The following NR2F1-AS1 variants were observed in gnomAD, a reference collection of about 807,000 sequenced individuals.
NR2F1-AS1 encodes NR2F1 antisense RNA 1.
intron 4 of NR2F1-AS1, among the ~76,000 whole-genome samples, chr5:93,553,564 A>T (rs1041586528): frequency 1.3e-5 from 2 of 152,230 alleles, no homozygotes; most frequent in African/African-American, 4.8e-5. Flanking sequence ...ACAGATAACA[A>T]ATTATAACTT....
chr5:93,554,667 G>T (rs1049818849), intron 3 of NR2F1-AS1, among the ~76,000 whole-genome samples: 2 of 152,314 alleles, frequency 1.3e-5, no homozygotes, highest in African/African-American at 2.4e-5. Context: ...TGCCTATGAT[G>T]AGCAAGGCAC....
At chr5:93,469,836 G>C (rs1271471511) in intron 4 of NR2F1-AS1, among the ~76,000 whole-genome samples, 1 of 151,864 alleles carries the variant, frequency 6.6e-6, no homozygotes, top group Non-Finnish European at 1.5e-5. Flanking sequence ...AATGCAAAAG[G>C]GTGACTATAG....
chr5:93,414,708 C>T (rs1315940242), intron 4 of NR2F1-AS1, among the ~76,000 whole-genome samples: 4 of 152,162 alleles, frequency 2.6e-5, no homozygotes. Flanking sequence ...TGCCAGAATA[C>T]CATGGGCTGT....
chr5:93,522,584 A>T (rs11135388), intron 4 of NR2F1-AS1, among the ~76,000 whole-genome samples: 30,211 of 152,188 alleles, frequency 0.2, 4,519 homozygotes, highest in African/African-American at 0.42. Context: ...AGCTCTGGTC[A>T]GCAGCTCCCA....
intron 4 of NR2F1-AS1, among the ~76,000 whole-genome samples, chr5:93,459,728 C>CAGAAA (rs1176172093): frequency 6.6e-6 from 1 of 152,116 alleles, no homozygotes; most frequent in Non-Finnish European, 1.5e-5. Context: ...CATACTGTCT[C>CAGAAA]AGAAAAGGAG....
chr5:93,491,366 G>A (rs1750845389), intron 4 of NR2F1-AS1, among the ~76,000 whole-genome samples: 1 of 151,164 alleles, frequency 6.6e-6, no homozygotes, highest in African/African-American at 2.4e-5. Context: ...TAGTGGTGAT[G>A]GTGGGGGGGT....
chr5:93,528,552 T>C (rs1446732557), intron 4 of NR2F1-AS1, among the ~76,000 whole-genome samples: 1 of 152,206 alleles, frequency 6.6e-6, no homozygotes, highest in Non-Finnish European at 1.5e-5. Flanking sequence ...TTACTGGGGA[T>C]ATACCCAAAG....
At chr5:93,535,041 A>G (rs1751811378) in intron 4 of NR2F1-AS1, among the ~76,000 whole-genome samples, 1 of 152,194 alleles carries the variant, frequency 6.6e-6, no homozygotes, top group Non-Finnish European at 1.5e-5. Flanking sequence ...TTACCAAAAG[A>G]CTAAATACAA....
At chr5:93,565,002 T>C (rs1432537319) in intron 1 of NR2F1-AS1, among the ~76,000 whole-genome samples, 3 of 152,126 alleles carry the variant, frequency 2.0e-5, no homozygotes, top group African/African-American at 4.8e-5. Flanking sequence ...ACAGAAAAGA[T>C]AGTCCGAGAA....
At position 93,431,919 on chromosome 5, in the gene NR2F1-AS1, CA is replaced by C. The variant is rs967501162; in HGVS notation, n.639-36378del. Among the ~76,000 whole-genome samples the C allele has an allele frequency of 8.5e-4, 130 of 152,150 alleles. 3 individuals carry two copies. Among genetic ancestry groups the C allele is most frequent in the African/African-American group, 2.9e-3 (121 of 41,526 alleles). ...TAACTGTCAGTGAGCTGACAGCTTT[CA>C]AAAGTCTTTGTTCCCAGAATGAGTA... On this transcript the variant is annotated intron_variant and non_coding_transcript_variant, in intron 4 of 5. Transcript: ENST00000660523.
chr5:93,470,947 A>T (rs1361272832), intron 4 of NR2F1-AS1, among the ~76,000 whole-genome samples: 1 of 151,888 alleles, frequency 6.6e-6, no homozygotes, highest in Non-Finnish European at 1.5e-5. Context: ...GAGAACTTAT[A>T]ACACATACAA....
At chr5:93,427,958 G>A (rs1004250160) in intron 4 of NR2F1-AS1, among the ~76,000 whole-genome samples, 5 of 152,026 alleles carry the variant, frequency 3.3e-5, no homozygotes, top group East Asian at 3.9e-4. Flanking sequence ...GAGCGAGGGA[G>A]GATGAATCTG....
At chr5:93,442,408 C>G (rs1044408407) in intron 4 of NR2F1-AS1, among the ~76,000 whole-genome samples, 2 of 152,134 alleles carry the variant, frequency 1.3e-5, no homozygotes, top group East Asian at 3.9e-4. Context: ...GCACCTGGCT[C>G]GGAGGGTCCC....
intron 4 of NR2F1-AS1, among the ~76,000 whole-genome samples, chr5:93,459,469 G>A (rs144570462): frequency 4.6e-4 from 70 of 152,106 alleles, no homozygotes; most frequent in African/African-American, 1.6e-3. Flanking sequence ...TTCATACATC[G>A]CTGGTAGAAA....
intron 1 of NR2F1-AS1, among the ~76,000 whole-genome samples, chr5:93,576,503 T>C (rs1466901630): frequency 6.6e-6 from 1 of 151,934 alleles, no homozygotes; most frequent in African/African-American, 2.4e-5. Flanking sequence ...GTAATAAATA[T>C]ATCTTTCCAC....
chr5:93,584,958 G>A, upstream of NR2F1-AS1: 1 of 492,940 alleles, frequency 2.0e-6, no homozygotes, highest in Non-Finnish European at 2.5e-6. Flanking sequence ...CTCCCAGCGC[G>A]CCCGCGCGCC....
At chr5:93,445,331 T>G (rs1341789136) in intron 4 of NR2F1-AS1, among the ~76,000 whole-genome samples, 2 of 151,448 alleles carry the variant, frequency 1.3e-5, no homozygotes, top group African/African-American at 4.9e-5. Flanking sequence ...AAAGAAAGAA[T>G]CAAATAGACA....
intron 4 of NR2F1-AS1, among the ~76,000 whole-genome samples, chr5:93,482,278 C>T (rs1417466225): frequency 6.6e-6 from 1 of 152,062 alleles, no homozygotes; most frequent in African/African-American, 2.4e-5. Context: ...ACAGGTTAGA[C>T]GGTGGGTGCA....
chr5:93,410,630 A>G (rs1484265431), intron 4 of NR2F1-AS1: 1 of 152,188 alleles, frequency 6.6e-6, no homozygotes, highest in Non-Finnish European at 1.5e-5. Flanking sequence ...AACCATCCCC[A>G]CACCATCCAC....
Sources: gnomAD v4.1 joint callset for allele counts (sites outside exome capture counted in the v4.1 genomes callset) on GRCh38, gnomAD v4.1.1 for gene constraint, MANE v1.5 for transcripts, NCBI Gene and HGNC (gene_info 2026-07-23, HGNC 2026-07-21) for gene names.